The following SI variants were observed in gnomAD, a reference collection of about 807,000 sequenced individuals.
SI encodes sucrase-isomaltase, also known as sucrase-isomaltase, intestinal.
Under a neutral mutation model 253.3 loss-of-function variants are expected in SI, and 235 were observed. The observed-to-expected ratio is 0.93, with a 90% confidence interval of 0.83 to 1.03. The LOEUF (loss-of-function observed/expected upper bound fraction) is 1.03, where lower values mean the gene tolerates loss of function less well. Ranked by LOEUF, SI falls within the 50% of genes least tolerant of loss-of-function variation. The probability of loss-of-function intolerance (pLI) is 0.00; values close to 1 mark genes in which losing one functional copy is unlikely to be tolerated. For missense variants in SI, 2,442 were observed against 2,211.1 expected (o/e 1.10, Z -2.09); for synonymous variants, 819 against 712.0 (o/e 1.15, Z -2.39).
At chr3:165,087,870 G>C in the SI span, among the ~76,000 whole-genome samples, 1 of 152,086 alleles carries the variant, frequency 6.6e-6, no homozygotes, top group Non-Finnish European at 1.5e-5. Flanking sequence ...AAAATGTATT[G>C]AGGCAAATTT....
chr3:165,017,857 T>A lies in SI; in HGVS notation c.3537A>T (p.Pro1179=), dbSNP rs555625499. ...NSNAMDVTFQ[P]TPALTYRTVG... ...CTGTACGGTAAGTTAGAGCAGGAGT[T>A]GGCTGGAATGTAACATCTGGAAATC... The change falls in exon 30 of 48, where the codon CCA becomes CCT. Residue 1179 remains proline (P), a synonymous_variant. Transcript: ENST00000264382. The A allele has an allele frequency of 6.2e-7, 1 of 1,612,660 alleles. No homozygotes were observed. The highest frequency in any genetic ancestry group is 1.3e-5 in the African/African-American group (1 of 74,968).
intron 40 of SI, among the ~76,000 whole-genome samples, chr3:164,994,868 AC>A (rs1237162803): frequency 6.6e-6 from 1 of 151,744 alleles, no homozygotes; most frequent in African/African-American, 2.4e-5. Context: ...ACTAAAGAAT[AC>A]ATAGTACAGA....
At chr3:165,045,573 T>A (rs952895256) in intron 16 of SI, among the ~76,000 whole-genome samples, 3 of 151,974 alleles carry the variant, frequency 2.0e-5, no homozygotes, top group African/African-American at 7.2e-5. Flanking sequence ...TTACATTGTA[T>A]TAATTTTTTC....
chr3:165,013,060 T>C lies in SI; in HGVS notation c.4000-18A>G, dbSNP rs764830211. ...GGCCAAACCTACAAGAGACAAGACA[T>C]GGAAAAGCTGATCAAAACATAGTCA... On this transcript the variant is annotated intron_variant, in intron 33 of 47. Transcript: ENST00000264382. The C allele has an allele frequency of 7.7e-5, 118 of 1,533,676 alleles. No individual in the cohort carries two copies. Among genetic ancestry groups the C allele is most frequent in the Non-Finnish European group, 9.7e-5 (107 of 1,107,026 alleles).
At chr3:165,017,702 G>C (rs750713443) in intron 30 of SI, 29 bp from the exon 31 acceptor site, 2 of 1,609,358 alleles carry the variant, frequency 1.2e-6, no homozygotes, top group Non-Finnish European at 1.7e-6. Context: ...TGTGAACTAA[G>C]AGAATTACTT....
intron 3 of SI, among the ~76,000 whole-genome samples, chr3:165,072,581 C>T (rs973290157): frequency 2.0e-5 from 3 of 151,838 alleles, no homozygotes; most frequent in African/African-American, 7.3e-5. Context: ...AAATCCATTT[C>T]CTATAATAGA....
intron 33 of SI, among the ~76,000 whole-genome samples, chr3:165,014,593 T>C (rs1576885784): frequency 6.6e-6 from 1 of 152,148 alleles, no homozygotes; most frequent in African/African-American, 2.4e-5. Flanking sequence ...TTGTTCATTC[T>C]AGTTTTTACT....
At chr3:164,979,964 A>G (rs1717102720) in intron 47 of SI, among the ~76,000 whole-genome samples, 1 of 151,874 alleles carries the variant, frequency 6.6e-6, no homozygotes, top group Non-Finnish European at 1.5e-5. Flanking sequence ...TATCTCTATC[A>G]TGGAGATTAT....
chr3:165,075,974 CAGAG>C lies in SI; in HGVS notation c.35_38del (p.Ser12Ter), dbSNP rs1714943416. The C allele has an allele frequency of 6.3e-7, 1 of 1,593,940 alleles. No individual in the cohort carries two copies. Among genetic ancestry groups the C allele is most frequent in the Non-Finnish European group, 8.6e-7 (1 of 1,166,082 alleles). ...TAGTAACTATGACAAAAAGGACAATCAGAGAGATTTCCAATCCACTAAATTTCTT... is the reference window on the plus strand; with the variant it reads ...TAGTAACTATGACAAAAAGGACAATCAGATTTCCAATCCACTAAATTTCTT... On this transcript the variant is annotated frameshift_variant, in exon 2 of 48. Coordinates refer to ENST00000264382, the MANE Select transcript of SI (RefSeq NM_001041.4). LOFTEE classifies it high-confidence loss of function.
rs540990088 is a variant in SI at position 165,013,188 on chromosome 3, T to C, written c.4000-146A>G. The C allele has an allele frequency of 9.9e-6, 7 of 709,624 alleles. No individual in the cohort carries two copies. The African/African-American group carries it at 1.0e-4, about 11-fold the overall frequency. 44.0% of individuals were successfully genotyped at this position (709,624 alleles called of 1,614,324 possible). On this transcript the variant is annotated intron_variant, in intron 33 of 47. Coordinates refer to ENST00000264382, the MANE Select transcript of SI (RefSeq NM_001041.4). The stretch of plus-strand genomic sequence containing the variant: ...CAATCCCTTCAAATCTCATTATTAT[T>C]GACACACATACCATTTGCAAACTAT...
At chr3:164,990,858 C>A (rs1282867260) in intron 44 of SI, among the ~76,000 whole-genome samples, 2 of 151,774 alleles carry the variant, frequency 1.3e-5, no homozygotes, top group African/African-American at 2.4e-5. Context: ...TGTAACTAAC[C>A]TGCACGTTGT....
intron 13 of SI, among the ~76,000 whole-genome samples, chr3:165,054,078 CCAA>C (rs771102739): frequency 6.6e-6 from 1 of 151,868 alleles, no homozygotes. Flanking sequence ...CTTTGTATTC[CCAA>C]CAACATGTCT....
At position 165,071,515 on chromosome 3, in the gene SI, A is replaced by G. The variant is rs1481320234; in HGVS notation, c.256-2320T>C. 2.0e-5 allele frequency among the ~76,000 whole-genome samples: 3 copies of G among 151,528 alleles called. No homozygotes were observed. In the Admixed American group the frequency reaches 2.0e-4, roughly 10 times the overall value. ...ATTATATATTAAATGTAATAATTTC[A>G]TATGTAATAATATATAATGTGTATT... On this transcript the variant is annotated intron_variant, in intron 3 of 47. Coordinates refer to ENST00000264382, the MANE Select transcript of SI (RefSeq NM_001041.4).
intron 2 of SI, 63 bp from the exon 3 acceptor site, chr3:165,074,730 C>T (rs1714837631): frequency 7.5e-7 from 1 of 1,330,784 alleles, no homozygotes; most frequent in Non-Finnish European, 1.1e-6. Context: ...TCAGAATTAT[C>T]AAGTAATAAG....
intron 41 of SI, among the ~76,000 whole-genome samples, chr3:164,993,991 C>CA (rs1717896148): frequency 6.6e-6 from 1 of 151,712 alleles, no homozygotes; most frequent in Non-Finnish European, 1.5e-5. Flanking sequence ...GCATGTAGAA[C>CA]AATACCTTGT....
chr3:165,059,011 T>C lies in SI; in HGVS notation c.1350A>G (p.Gln450=). ...CATCTGACTCATTTATCCACACATG[T>C]TGTGTGTTTCCCCTCTCATAGGTTG... ...TYATYERGNT[Q]HVWINESDGS... Residue 450 remains glutamine (Q), a synonymous_variant, in exon 12 of 48, where the codon CAA becomes CAG. Coordinates refer to ENST00000264382, the MANE Select transcript of SI (RefSeq NM_001041.4). 1 of 1,610,700 alleles carries C rather than the reference T, an allele frequency of 6.2e-7. No individual in the cohort carries two copies. Among genetic ancestry groups the C allele is most frequent in the Non-Finnish European group, 8.5e-7 (1 of 1,177,428 alleles).
At chr3:165,018,116 G>T in intron 28 of SI, 50 bp from the exon 29 acceptor site, 1 of 1,029,276 alleles carries the variant, frequency 9.7e-7, no homozygotes. Flanking sequence ...AATAGCATGT[G>T]AATTTAATCA....
chr3:165,023,731 CTT>C lies in SI; in HGVS notation c.2936_2937del (p.Gln979ArgfsTer2). On this transcript the variant is annotated frameshift_variant, in exon 26 of 48. Coordinates refer to ENST00000264382, the MANE Select transcript of SI (RefSeq NM_001041.4). LOFTEE classifies it high-confidence loss of function. ...SKAPECYFPR[Q>X]DNSYSVNSAR... Reference sequence around the variant, plus strand: ...GCTGAGTTGACTGAATAAGAGTTATCTTGTCTGGGAAAGTAACACTCAGGTGC... The same window carrying C: ...GCTGAGTTGACTGAATAAGAGTTATCGTCTGGGAAAGTAACACTCAGGTGC... The C allele has an allele frequency of 6.2e-7, 1 of 1,610,584 alleles. No homozygotes were observed. Among genetic ancestry groups the C allele is most frequent in the Non-Finnish European group, 8.5e-7 (1 of 1,177,778 alleles).
intron 47 of SI, 137 bp from the exon 48 acceptor site, chr3:164,979,567 T>C (rs1246201746): frequency 1.8e-6 from 1 of 547,942 alleles, no homozygotes; most frequent in Non-Finnish European, 3.2e-6. Context: ...ATTTTTACTC[T>C]CAGAAAGTTT....
Sources: gnomAD v4.1 joint callset for allele counts (sites outside exome capture counted in the v4.1 genomes callset) on GRCh38, gnomAD v4.1.1 for gene constraint, MANE v1.5 for transcripts, NCBI Gene and HGNC (gene_info 2026-07-23, HGNC 2026-07-21) for gene names.